The following IGF2BP2 variants were observed in gnomAD, a reference collection of about 807,000 sequenced individuals.
IGF2BP2 encodes insulin like growth factor 2 mRNA binding protein 2.
A neutral mutation model predicts 75.8 loss-of-function variants in IGF2BP2; 17 were observed. The ratio of observed to expected loss-of-function variants is 0.22; its 90% confidence interval spans 0.15 to 0.34. The LOEUF (loss-of-function observed/expected upper bound fraction) is 0.34. Among genes scored for constraint, IGF2BP2 ranks in the 10% least tolerant of loss-of-function variants. The probability of loss-of-function intolerance (pLI) is 1.00; values close to 1 mark genes in which losing one functional copy is unlikely to be tolerated. For synonymous variants in IGF2BP2, 288 were observed against 295.6 expected (o/e 0.97, Z 0.26); for missense variants, 516 against 772.4 (o/e 0.67, Z 3.93).
intron 13 of IGF2BP2, among the ~76,000 whole-genome samples, chr3:185,650,288 T>A (rs1352957289): frequency 6.6e-6 from 1 of 151,854 alleles, no homozygotes; most frequent in East Asian, 1.9e-4. Context: ...TTTTTTTTTT[T>A]AGTGAAAAAG....
intron 2 of IGF2BP2, among the ~76,000 whole-genome samples, chr3:185,720,211 CAG>C (rs1354984735): frequency 2.0e-5 from 3 of 152,216 alleles, no homozygotes; most frequent in Admixed American, 6.5e-5. Flanking sequence ...ACTAGAATAA[CAG>C]ATATATCCAG....
At chr3:185,654,088 C>T (rs537311580) in intron 12 of IGF2BP2, among the ~76,000 whole-genome samples, 1 of 152,302 alleles carries the variant, frequency 6.6e-6, no homozygotes, top group South Asian at 2.1e-4. Context: ...ATGCTCAGAC[C>T]CTGTCCCGCT....
intron 2 of IGF2BP2, among the ~76,000 whole-genome samples, chr3:185,741,340 T>C (rs548982315): frequency 6.6e-6 from 1 of 152,336 alleles, no homozygotes; most frequent in South Asian, 2.1e-4. Flanking sequence ...GCAGAATACC[T>C]TGCTGCAAGC....
intron 2 of IGF2BP2, among the ~76,000 whole-genome samples, chr3:185,715,834 C>T (rs914790466): frequency 1.3e-4 from 19 of 151,912 alleles, no homozygotes; most frequent in East Asian, 1.9e-4. Flanking sequence ...TTAGTAGAGA[C>T]GGGGTTTTGC....
At chr3:185,673,550 G>T (rs567229211) in intron 9 of IGF2BP2, among the ~76,000 whole-genome samples, 1 of 152,278 alleles carries the variant, frequency 6.6e-6, no homozygotes, top group East Asian at 1.9e-4. Context: ...CACAGACTGG[G>T]GGTGGGTTTA....
chr3:185,686,175 G>A (rs1343766856), intron 7 of IGF2BP2, among the ~76,000 whole-genome samples: 2 of 152,124 alleles, frequency 1.3e-5, no homozygotes, highest in East Asian at 3.9e-4. Flanking sequence ...TTTGAAGTCA[G>A]GAGTTCGAGA....
intron 10 of IGF2BP2, among the ~76,000 whole-genome samples, chr3:185,667,125 C>T (rs549207779): frequency 7.9e-5 from 12 of 152,142 alleles, no homozygotes; most frequent in South Asian, 6.2e-4. Context: ...TGTTGGCATT[C>T]GATGAGATTC....
intron 2 of IGF2BP2, among the ~76,000 whole-genome samples, chr3:185,814,282 T>C (rs1740311918): frequency 6.6e-6 from 1 of 152,114 alleles, no homozygotes. Context: ...TACCTCTGAC[T>C]CTCTTAAATA....
intron 10 of IGF2BP2, among the ~76,000 whole-genome samples, chr3:185,667,011 G>C (rs1717746678): frequency 6.6e-6 from 1 of 152,158 alleles, no homozygotes; most frequent in African/African-American, 2.4e-5. Context: ...TAACATTGCT[G>C]TTAAAACTGT....
intron 2 of IGF2BP2, among the ~76,000 whole-genome samples, chr3:185,759,537 T>C (rs1301740989): frequency 6.6e-6 from 1 of 152,168 alleles, no homozygotes; most frequent in Non-Finnish European, 1.5e-5. Flanking sequence ...GAAACTACGC[T>C]TAAGAGGTAA....
intron 7 of IGF2BP2, among the ~76,000 whole-genome samples, chr3:185,684,075 G>C (rs1720767361): frequency 6.6e-6 from 1 of 152,168 alleles, no homozygotes; most frequent in Non-Finnish European, 1.5e-5. Flanking sequence ...AATAAAGAGG[G>C]TGCTTGAAGA....
intron 4 of IGF2BP2, among the ~76,000 whole-genome samples, chr3:185,695,843 T>C (rs1031941651): frequency 1.3e-5 from 2 of 152,106 alleles, no homozygotes; most frequent in Non-Finnish European, 2.9e-5. Context: ...CAGGCTGGAG[T>C]TCAGTGGTGT....
intron 2 of IGF2BP2, among the ~76,000 whole-genome samples, chr3:185,773,242 C>T (rs901905231): frequency 1.3e-5 from 2 of 152,186 alleles, no homozygotes; most frequent in East Asian, 3.9e-4. Context: ...TTTACCTGCT[C>T]TGTGTGTTGA....
chr3:185,820,310 G>A (rs1433022515), intron 2 of IGF2BP2, among the ~76,000 whole-genome samples: 2 of 149,138 alleles, frequency 1.3e-5, no homozygotes, highest in Non-Finnish European at 3.0e-5. Flanking sequence ...CACCAAAAAT[G>A]AAATTTCTGT....
chr3:185,723,462 G>T (rs1289238371), intron 2 of IGF2BP2, among the ~76,000 whole-genome samples: 1 of 152,178 alleles, frequency 6.6e-6, no homozygotes, highest in Non-Finnish European at 1.5e-5. Flanking sequence ...GCAAACAACA[G>T]TATTTAGGAT....
At chr3:185,657,172 C>A in intron 12 of IGF2BP2, 114 bp downstream of exon 12, 1 of 688,898 alleles carries the variant, frequency 1.5e-6, no homozygotes, top group Non-Finnish European at 2.6e-6. Context: ...TTCTAGATCT[C>A]TGTGGGACTC....
At chr3:185,823,888 C>T (rs1406366241) in intron 1 of IGF2BP2, among the ~76,000 whole-genome samples, 2 of 151,692 alleles carry the variant, frequency 1.3e-5, no homozygotes, top group Non-Finnish European at 2.9e-5. Flanking sequence ...TGTCGCTCTC[C>T]GTCTCCTGTC....
chr3:185,785,300 CAAA>C (rs1230648409), intron 2 of IGF2BP2, among the ~76,000 whole-genome samples: 2 of 67,630 alleles, frequency 3.0e-5, no homozygotes. Flanking sequence ...GACTCCTTCT[CAAA>C]AAAAAAAAAA....
intron 2 of IGF2BP2, among the ~76,000 whole-genome samples, chr3:185,755,380 C>T (rs1731484272): frequency 6.6e-6 from 1 of 152,192 alleles, no homozygotes; most frequent in South Asian, 2.1e-4. Context: ...CTTGGCACCC[C>T]CTGCGTAGAT....
Sources: allele counts gnomAD v4.1 joint callset (sites outside exome capture counted in the v4.1 genomes callset), GRCh38; gene constraint gnomAD v4.1.1; transcripts MANE v1.5; gene names NCBI Gene and HGNC (gene_info 2026-07-23, HGNC 2026-07-21).